The following RSPH14 variants were observed in gnomAD, a reference collection of about 807,000 sequenced individuals.
The protein encoded by RSPH14 is rhabdoid tumor deletion region gene 1.
A neutral mutation model predicts 26.7 loss-of-function variants in RSPH14; 20 were observed. The observed-to-expected ratio is 0.75, with a 90% CI of 0.53 to 1.09. The LOEUF (loss-of-function observed/expected upper bound fraction) is 1.09, where lower values mean the gene tolerates loss of function less well. RSPH14 is among the 50% of genes least tolerant of loss of function. The probability of loss-of-function intolerance (pLI) is 0.00; values close to 1 mark genes in which losing one functional copy is unlikely to be tolerated. For synonymous variants in RSPH14, 177 were observed against 189.3 expected (o/e 0.93, Z 0.53); for missense variants, 449 against 457.2 (o/e 0.98, Z 0.16).
At chr22:23,100,146 A>G (rs1391370587) in intron 4 of RSPH14, among the ~76,000 whole-genome samples, 1 of 152,218 alleles carries the variant, frequency 6.6e-6, no homozygotes, top group East Asian at 1.9e-4. Context: ...GGGGCCAAGT[A>G]TGAGGGTGAG....
chr22:23,166,923 G>C, the RSPH14 span, among the ~76,000 whole-genome samples: 1 of 152,130 alleles, frequency 6.6e-6, no homozygotes, highest in South Asian at 2.1e-4. Flanking sequence ...TATGGAGCAC[G>C]CTCTTTGTGC....
chr22:23,094,446 G>C (rs947997916), intron 4 of RSPH14, among the ~76,000 whole-genome samples: 1 of 152,144 alleles, frequency 6.6e-6, no homozygotes, highest in Non-Finnish European at 1.5e-5. Flanking sequence ...AGGCCTCTAG[G>C]CCACCCTGCC....
chr22:23,170,093 T>TAAA, the RSPH14 span, among the ~76,000 whole-genome samples: 21 of 137,010 alleles, frequency 1.5e-4, no homozygotes, highest in African/African-American at 3.8e-4. Context: ...CAAGACCCTT[T>TAAA]AAAAAAAAAA....
At chr22:23,118,165 T>C (rs1229247270) in intron 4 of RSPH14, among the ~76,000 whole-genome samples, 1 of 152,154 alleles carries the variant, frequency 6.6e-6, no homozygotes, top group Non-Finnish European at 1.5e-5. Context: ...TTCTCACAAA[T>C]GGCCAGGAAA....
the RSPH14 span, among the ~76,000 whole-genome samples, chr22:23,178,819 C>G: frequency 1.3e-5 from 2 of 152,168 alleles, no homozygotes; most frequent in African/African-American, 4.8e-5. Flanking sequence ...ACATTTTGTA[C>G]CGTGGCCCAC....
chr22:23,145,476 C>G, upstream of RSPH14: 1 of 1,609,452 alleles, frequency 6.2e-7, no homozygotes, highest in South Asian at 1.1e-5. Context: ...GCGTGGCTCT[C>G]GTTGCCATGG....
intron 4 of RSPH14, chr22:23,096,316 A>T: frequency 6.2e-7 from 1 of 1,614,030 alleles, no homozygotes. Context: ...GGCAGAGGTC[A>T]GAGCGCAAAA....
rs530778842 is a variant in RSPH14, at chr22:23,061,828, G to A, written c.771C>T (p.Phe257=). The A allele has an allele frequency of 9.9e-6, 16 of 1,614,052 alleles. No homozygotes were observed. Among genetic ancestry groups the A allele is most frequent in the East Asian group, 4.5e-5 (2 of 44,878 alleles). ...CCTCACCTTCAGTGATCACTGTGGC[G>A]AACATCAGGGCACCGGCAGCGTTAG... The part of the protein sequence containing the change: ...VKSNAAGALM[F]ATVITEGKYA... Residue 257 remains phenylalanine, a synonymous_variant, in exon 6 of 7, where the codon TTC becomes TTT. Transcript: ENST00000216036.
chr22:23,093,634 T>C (rs1439302980), intron 4 of RSPH14, among the ~76,000 whole-genome samples: 1 of 152,226 alleles, frequency 6.6e-6, no homozygotes, highest in Non-Finnish European at 1.5e-5. Context: ...CTGGACGCTT[T>C]ACTCTTCACA....
intron 4 of RSPH14, among the ~76,000 whole-genome samples, chr22:23,120,620 C>G (rs1369507092): frequency 1.3e-5 from 2 of 152,176 alleles, no homozygotes; most frequent in East Asian, 1.9e-4. Flanking sequence ...CATCAGGGCT[C>G]AGAGAGGCAG....
intron 3 of RSPH14, among the ~76,000 whole-genome samples, chr22:23,137,557 T>C (rs1371637026): frequency 6.7e-6 from 1 of 149,238 alleles, no homozygotes; most frequent in Non-Finnish European, 1.5e-5. Flanking sequence ...AGGAGTCAAG[T>C]CACCTTTCCT....
chr22:23,171,257 A>T, the RSPH14 span, among the ~76,000 whole-genome samples: 1 of 152,010 alleles, frequency 6.6e-6, no homozygotes, highest in Admixed American at 6.6e-5. Flanking sequence ...TGAGCCACTG[A>T]GCCTGGCCTA....
At chr22:23,159,419 T>A in the RSPH14 span, among the ~76,000 whole-genome samples, 1 of 152,200 alleles carries the variant, frequency 6.6e-6, no homozygotes, top group Admixed American at 6.5e-5. Context: ...CTGGCAGCAC[T>A]TTCATTGCCT....
intron 4 of RSPH14, among the ~76,000 whole-genome samples, chr22:23,128,732 G>T (rs187584903): frequency 1.3e-5 from 2 of 152,216 alleles, no homozygotes; most frequent in Admixed American, 1.3e-4. Context: ...AACAAAACAG[G>T]GGCCCAACAC....
chr22:23,110,495 T>C (rs535611376), intron 4 of RSPH14, among the ~76,000 whole-genome samples: 1 of 152,278 alleles, frequency 6.6e-6, no homozygotes, highest in Non-Finnish European at 1.5e-5. Context: ...GCCCTGTCTC[T>C]CAGGGCACAG....
chr22:23,173,882 A>G, the RSPH14 span, among the ~76,000 whole-genome samples: 1 of 151,480 alleles, frequency 6.6e-6, no homozygotes, highest in Non-Finnish European at 1.5e-5. Flanking sequence ...TAACTTTTTC[A>G]TATTTTTAGT....
At chr22:23,140,189 C>T in intron 2 of RSPH14, 33 bp downstream of exon 2, 4 of 1,609,752 alleles carry the variant, frequency 2.5e-6, no homozygotes, top group Non-Finnish European at 2.5e-6. Flanking sequence ...GCTAGGACCC[C>T]AGTCATGGTC....
rs117535582 is a variant in RSPH14, at chr22:23,064,162, G to A, written c.422-29C>T. 2,767 of 1,606,456 alleles carry A rather than the reference G, an allele frequency of 1.7e-3. 14 individuals carry two copies. Among genetic ancestry groups the A allele is most frequent in the Non-Finnish European group, 2.0e-3 (2,294 of 1,174,086 alleles). On this transcript the variant is annotated intron_variant, in intron 4 of 6. Transcript: ENST00000216036. The stretch of plus-strand genomic sequence containing the variant: ...CAAGGCAGGAAAGGGCACTGAGGGC[G>A]GGCTGGCCACACACCCACCCACCCA...
chr22:23,138,161 C>T (rs971256138), intron 3 of RSPH14, among the ~76,000 whole-genome samples: 3 of 152,176 alleles, frequency 2.0e-5, no homozygotes, highest in African/African-American at 7.2e-5. Flanking sequence ...GAGCCAAAGC[C>T]ACAGCCCCTG....
Sources: allele counts gnomAD v4.1 joint callset (sites outside exome capture counted in the v4.1 genomes callset), GRCh38; gene constraint gnomAD v4.1.1; transcripts MANE v1.5; gene names NCBI Gene and HGNC (gene_info 2026-07-23, HGNC 2026-07-21).